Variants in UNC13C observed in about 807,000 individuals in gnomAD.
The protein encoded by UNC13C is unc-13 homolog C.
UNC13C carries 174 observed loss-of-function variants against 245.4 expected under a neutral mutation model. That is an observed-to-expected ratio of 0.71 (90% CI 0.63 to 0.80). The LOEUF (loss-of-function observed/expected upper bound fraction) is 0.80, where lower values mean the gene tolerates loss of function less well. Among genes scored for constraint, UNC13C ranks in the 30% least tolerant of loss-of-function variants. The pLI, the probability that UNC13C is intolerant of heterozygous loss-of-function variation, is 0.00. For synonymous variants in UNC13C, 992 were observed against 895.1 expected, an observed-to-expected ratio of 1.11 and a Z score of -1.93; for missense variants, 2,829 against 2,602.9, an observed-to-expected ratio of 1.09 and a Z score of -1.89.
chr15:54,336,339 A>T (rs948888983), intron 16 of UNC13C, among the ~76,000 whole-genome samples: 4 of 151,802 alleles, frequency 2.6e-5, no homozygotes, highest in Admixed American at 2.0e-4. Flanking sequence ...AGAATACAGT[A>T]GTCTCGAGTT....
the UNC13C span, among the ~76,000 whole-genome samples, chr15:53,969,253 G>C: frequency 6.6e-6 from 1 of 152,100 alleles, no homozygotes; most frequent in Admixed American, 6.6e-5. Context: ...GAGAGTATTT[G>C]AGAAAGATGA....
intron 13 of UNC13C, among the ~76,000 whole-genome samples, chr15:54,310,642 T>A (rs1378246957): frequency 6.6e-6 from 1 of 151,774 alleles, no homozygotes; most frequent in East Asian, 1.9e-4. Context: ...CTTTTTAAGG[T>A]CACAGAAGAC....
chr15:54,533,244 A>G (rs1411041828), intron 26 of UNC13C, among the ~76,000 whole-genome samples, 178 bp downstream of exon 26: 1 of 152,222 alleles, frequency 6.6e-6, no homozygotes, highest in Non-Finnish European at 1.5e-5. Context: ...TTAATTGATT[A>G]CTAGATAAAA....
intron 2 of UNC13C, among the ~76,000 whole-genome samples, chr15:54,130,981 T>G (rs538969806): frequency 8.3e-4 from 126 of 152,302 alleles, no homozygotes; most frequent in African/African-American, 2.9e-3. Context: ...GCACAATGCC[T>G]AGAACTTAGG....
At chr15:53,909,897 G>A in the UNC13C span, among the ~76,000 whole-genome samples, 1 of 146,450 alleles carries the variant, frequency 6.8e-6, no homozygotes, top group South Asian at 2.3e-4. Flanking sequence ...TGAATGCAGA[G>A]GAAGCAGTGT....
intron 17 of UNC13C, among the ~76,000 whole-genome samples, chr15:54,343,013 T>A (rs972560805): frequency 2.0e-5 from 3 of 152,198 alleles, no homozygotes; most frequent in African/African-American, 7.2e-5. Context: ...GTCTAATCTC[T>A]ACTTTCCATC....
intron 1 of UNC13C, among the ~76,000 whole-genome samples, chr15:53,984,594 G>A (rs569029257): frequency 2.0e-5 from 3 of 152,218 alleles, no homozygotes; most frequent in Non-Finnish European, 2.9e-5. Flanking sequence ...GGAGGATTAA[G>A]TTAAATAATA....
At chr15:54,031,253 T>C (rs2141018254) in intron 2 of UNC13C, among the ~76,000 whole-genome samples, 1 of 152,268 alleles carries the variant, frequency 6.6e-6, no homozygotes, top group South Asian at 2.1e-4. Flanking sequence ...AAGGGTGCCG[T>C]TTTTGGATAG....
At chr15:54,449,839 G>A (rs1191325791) in intron 19 of UNC13C, among the ~76,000 whole-genome samples, 2 of 152,182 alleles carry the variant, frequency 1.3e-5, no homozygotes, top group Admixed American at 6.5e-5. Context: ...TTTGGAGGAG[G>A]AGAGGCACTC....
At chr15:54,287,509 T>A (rs74015118) in intron 10 of UNC13C, among the ~76,000 whole-genome samples, 3,844 of 152,292 alleles carry the variant, frequency 0.025, 158 homozygotes, top group African/African-American at 0.088. Context: ...CATTCATTTA[T>A]TTCATTCAAC....
At chr15:54,028,335 A>T (rs1896204441) in intron 2 of UNC13C, among the ~76,000 whole-genome samples, 4 of 152,144 alleles carry the variant, frequency 2.6e-5, no homozygotes, top group Admixed American at 2.6e-4. Context: ...CTCAATCTCC[A>T]TTGAACATCG....
intron 8 of UNC13C, among the ~76,000 whole-genome samples, chr15:54,251,049 C>T (rs1197993833): frequency 3.3e-5 from 5 of 152,116 alleles, no homozygotes; most frequent in Admixed American, 2.0e-4. Flanking sequence ...TGAGCCACCG[C>T]GCCCGGCCCC....
intron 18 of UNC13C, among the ~76,000 whole-genome samples, chr15:54,407,493 A>C (rs909131337): frequency 6.6e-6 from 1 of 152,224 alleles, no homozygotes; most frequent in South Asian, 2.1e-4. Flanking sequence ...AGTACCATAG[A>C]GTGGAGGTAA....
intron 3 of UNC13C, among the ~76,000 whole-genome samples, 172 bp from the exon 4 acceptor site, chr15:54,143,448 C>A (rs1035841838): frequency 6.6e-6 from 1 of 152,162 alleles, no homozygotes; most frequent in Non-Finnish European, 1.5e-5. Context: ...AATTTCAAAA[C>A]CTCTACTCAT....
the UNC13C span, among the ~76,000 whole-genome samples, chr15:53,905,554 G>A: frequency 3.3e-5 from 5 of 152,032 alleles, no homozygotes; most frequent in Non-Finnish European, 7.4e-5. Flanking sequence ...TCATTCATAT[G>A]TAGAATCTAA....
At chr15:54,413,813 T>C (rs1349954378) in intron 18 of UNC13C, among the ~76,000 whole-genome samples, 3 of 152,204 alleles carry the variant, frequency 2.0e-5, no homozygotes, top group Non-Finnish European at 4.4e-5. Flanking sequence ...TTATACTCTT[T>C]TTTTATTCGA....
the UNC13C span, among the ~76,000 whole-genome samples, chr15:53,941,507 A>G: frequency 1.3e-5 from 2 of 152,166 alleles, no homozygotes; most frequent in African/African-American, 4.8e-5. Flanking sequence ...TGAACAGACC[A>G]CCTACATAAT....
intron 2 of UNC13C, among the ~76,000 whole-genome samples, chr15:54,135,666 T>C (rs1305668525): frequency 6.6e-6 from 1 of 152,212 alleles, no homozygotes; most frequent in Non-Finnish European, 1.5e-5. Flanking sequence ...TATGTGTGTA[T>C]TTTTATGCTG....
intron 4 of UNC13C, among the ~76,000 whole-genome samples, chr15:54,147,781 G>GGTGTGTGTGTGT (rs1372170799): frequency 1.3e-3 from 31 of 24,584 alleles, no homozygotes; most frequent in African/African-American, 2.3e-3. Context: ...AGCATTGCAA[G>GGTGTGTGTGTGT]GTGTGTGCGT....
Sources: allele counts gnomAD v4.1 joint callset (sites outside exome capture counted in the v4.1 genomes callset), GRCh38; gene constraint gnomAD v4.1.1; transcripts MANE v1.5; gene names NCBI Gene and HGNC (gene_info 2026-07-23, HGNC 2026-07-21).